The following RAPGEFL1 variants were observed in gnomAD, a reference collection of about 807,000 sequenced individuals.
RAPGEFL1 encodes the protein rap guanine nucleotide exchange factor-like 1.
RAPGEFL1 carries 31 observed loss-of-function variants against 64.4 expected under a neutral mutation model. That is an observed-to-expected ratio of 0.48 (90% CI 0.36 to 0.65). The LOEUF is 0.65. Among genes scored for constraint, RAPGEFL1 ranks in the 30% least tolerant of loss-of-function variants. The pLI is 0.00. For missense variants in RAPGEFL1, 682 were observed against 677.4 expected (o/e 1.01, Z -0.08); for synonymous variants, 331 against 274.1 (o/e 1.21, Z -2.05).
Position 40,177,942 on chromosome 17 carries a change from T to C in RAPGEFL1, c.81T>C (p.Gly27=), listed in dbSNP as rs1040106433. ...CGGTGGCGGGAGGTCCCGGCGGGGG[T>C]CTGGGGAGCTGCGGTGGGCCTGGAG... The part of the protein sequence containing the change: ...GRTVAGGPGG[G]LGSCGGPGGG... Residue 27 remains glycine (G), a synonymous_variant, in exon 1 of 15, where the codon GGT becomes GGC. Coordinates refer to ENST00000620260, the MANE Select transcript of RAPGEFL1 (RefSeq NM_016339.6). The C allele has an allele frequency of 2.3e-6, 1 of 426,624 alleles. No homozygotes were observed. Among genetic ancestry groups the C allele is most frequent in the Non-Finnish European group, 4.1e-6 (1 of 241,674 alleles). 26.4% of individuals were successfully genotyped at this position (426,624 alleles called of 1,614,324 possible).
chr17:40,179,976 T>G (rs1418464264), intron 1 of RAPGEFL1, among the ~76,000 whole-genome samples: 1 of 152,164 alleles, frequency 6.6e-6, no homozygotes, highest in Non-Finnish European at 1.5e-5. Context: ...ACACCCTGTG[T>G]CTCTATGACA....
At chr17:40,180,291 C>T (rs749921108) in intron 1 of RAPGEFL1, among the ~76,000 whole-genome samples, 2 of 152,158 alleles carry the variant, frequency 1.3e-5, no homozygotes, top group African/African-American at 2.4e-5. Context: ...CCTGGTGCCA[C>T]ACGCTCCGCT....
Position 40,183,149 on chromosome 17 carries a change from A to G in RAPGEFL1, c.600-1065A>G, listed in dbSNP as rs539879563. ...GGCAACAGAGTGAGACTCCCTCTCAAATAAATAAATAAATAAATAAATAAA... is the reference window on the plus strand; with the variant it reads ...GGCAACAGAGTGAGACTCCCTCTCAGATAAATAAATAAATAAATAAATAAA... On this transcript the variant is annotated intron_variant, in intron 2 of 14. Coordinates refer to ENST00000620260, the MANE Select transcript of RAPGEFL1 (RefSeq NM_016339.6). Among the ~76,000 whole-genome samples, 15 of 152,092 alleles carry G rather than the reference A, an allele frequency of 9.9e-5. 1 individual carries two copies. The highest frequency in any genetic ancestry group is 5.2e-4 in the Admixed American group (8 of 15,262).
At chr17:40,192,767 A>G in intron 12 of RAPGEFL1, 74 bp downstream of exon 12, 1 of 1,473,554 alleles carries the variant, frequency 6.8e-7, no homozygotes. Flanking sequence ...TCTGACTTCC[A>G]GCTCCCTCTC....
chr17:40,192,009 C>T (rs1251061328), intron 10 of RAPGEFL1, among the ~76,000 whole-genome samples: 1 of 152,198 alleles, frequency 6.6e-6, no homozygotes, highest in South Asian at 2.1e-4. Flanking sequence ...CCTGGCCTTC[C>T]CCAGAATAAT....
At chr17:40,186,485 G>A (rs1276130731) in intron 4 of RAPGEFL1, among the ~76,000 whole-genome samples, 2 of 143,910 alleles carry the variant, frequency 1.4e-5, no homozygotes, top group Admixed American at 1.4e-4. Context: ...GGAGAATGGC[G>A]TGAACCCGGG....
At chr17:40,182,512 C>G (rs1241754700) in intron 2 of RAPGEFL1, among the ~76,000 whole-genome samples, 1 of 152,204 alleles carries the variant, frequency 6.6e-6, no homozygotes, top group Non-Finnish European at 1.5e-5. Flanking sequence ...CGGAGTTTCA[C>G]CATGTTGCCC....
At chr17:40,177,144 A>G, upstream of RAPGEFL1, 1 of 702,314 alleles carries the variant, frequency 1.4e-6, no homozygotes. Flanking sequence ...AAAGGTGCAC[A>G]CTCTTGGGTT....
rs370393892 is a variant in RAPGEFL1, at chr17:40,184,298, C to A, written c.684C>A (p.Asp228Glu). The A allele has an allele frequency of 6.2e-7, 1 of 1,613,848 alleles. No individual in the cohort carries two copies. The highest frequency in any genetic ancestry group is 2.2e-5 in the East Asian group (1 of 44,862). ...TAGCCATGCTTCTCCATTTCTTGGA[C>A]ACCTACCAGGGGCTGCTTCAAGAGG... The part of the protein sequence containing the change: ...ACLAMLLHFL[D>E]TYQGLLQEEE... The change falls in exon 3 of 15, where the codon GAC becomes GAA. Residue 228 changes from aspartate to glutamate, a missense_variant. This residue lies in a region of RAPGEFL1 where 271 missense variants were observed against 158.0 expected (regional missense o/e 1.72). Transcript: ENST00000620260.
chr17:40,189,277 A>G lies in RAPGEFL1; in HGVS notation c.1016A>G (p.Gln339Arg). Residue 339 changes from glutamine to arginine, a missense_variant, in exon 6 of 15, where the codon CAG becomes CGG. Transcript: ENST00000620260. ...CGCAGCCGCCTTTCAGCATCTGTGC[A>G]GGACATTCTGGGCTCTGTGACGGAG... ...TIRSRLSASV[Q>R]DILGSVTEKL... The G allele has an allele frequency of 1.9e-6, 3 of 1,614,168 alleles. No homozygotes were observed. Among genetic ancestry groups the G allele is most frequent in the Non-Finnish European group, 2.5e-6 (3 of 1,179,994 alleles).
intron 1 of RAPGEFL1, chr17:40,181,209 T>G (rs186433151): frequency 7.1e-6 from 3 of 423,448 alleles, no homozygotes; most frequent in African/African-American, 6.0e-5. Flanking sequence ...TACACACACA[T>G]GCACACACAC....
intron 12 of RAPGEFL1, 116 bp downstream of exon 12, chr17:40,192,809 G>T: frequency 7.5e-7 from 1 of 1,338,504 alleles, no homozygotes; most frequent in South Asian, 1.2e-5. Context: ...CTGGAGAGGA[G>T]CCCCCCACCA....
rs1437420178 is a variant in RAPGEFL1 at position 40,178,164 on chromosome 17, C to G, written c.303C>G (p.Cys101Trp). 6 of 554,840 alleles carry G rather than the reference C, an allele frequency of 1.1e-5. No homozygotes were observed. Among genetic ancestry groups the G allele is most frequent in the South Asian group, 1.0e-4 (5 of 48,176 alleles). The allele number at this position is 554,840 out of a possible 1,614,324, so 34.4% of individuals were successfully genotyped here. ...AGGAGCCGGGCAGCGGGGGGCCCTG[C>G]TGGCTGCAGCTGGAGGAGGTGCCGG... ...VAEEPGSGGP[C>W]WLQLEEVPGP... Residue 101 changes from cysteine (C) to tryptophan (W), a missense_variant, in exon 1 of 15, where the codon TGC becomes TGG. Cys to Trp is a radical substitution (Grantham distance 215). Coordinates refer to ENST00000620260, the MANE Select transcript of RAPGEFL1 (RefSeq NM_016339.6).
intron 4 of RAPGEFL1, among the ~76,000 whole-genome samples, chr17:40,187,943 G>C (rs112501857): frequency 0.015 from 1,806 of 123,154 alleles, 50 homozygotes; most frequent in African/African-American, 0.055. Context: ...TTGAGATGGA[G>C]TCTTGCTCTG....
chr17:40,180,586 T>C (rs1337442413), intron 1 of RAPGEFL1, among the ~76,000 whole-genome samples: 2 of 152,178 alleles, frequency 1.3e-5, no homozygotes, highest in African/African-American at 4.8e-5. Flanking sequence ...CCTAACACTC[T>C]GCTTGCCTCA....
intron 13 of RAPGEFL1, 34 bp downstream of exon 13, chr17:40,193,024 C>A (rs1326407496): frequency 6.4e-6 from 10 of 1,574,418 alleles, no homozygotes; most frequent in African/African-American, 1.3e-5. Context: ...CCTAGTCCCA[C>A]AAGTGGGGGG....
chr17:40,186,652 C>G (rs1598442057), intron 4 of RAPGEFL1, among the ~76,000 whole-genome samples: 1 of 131,770 alleles, frequency 7.6e-6, no homozygotes, highest in African/African-American at 2.8e-5. Context: ...AATCCCAGCA[C>G]TTTGGGAGGC....
At chr17:40,186,537 C>T (rs532007142) in intron 4 of RAPGEFL1, among the ~76,000 whole-genome samples, 5 of 131,924 alleles carry the variant, frequency 3.8e-5, no homozygotes, top group South Asian at 2.4e-4. Flanking sequence ...CACTGCAGTC[C>T]GCAGTCCGGC....
At position 40,193,842 on chromosome 17, in the gene RAPGEFL1, A is replaced by G. The variant is rs1008502071; in HGVS notation, c.*54A>G. The G allele has an allele frequency of 3.1e-6, 5 of 1,609,746 alleles. No homozygotes were observed. The Admixed American group carries it at 8.4e-5, about 27-fold the overall frequency. On this transcript the variant is annotated 3_prime_UTR_variant, in exon 15 of 15. Coordinates refer to ENST00000620260, the MANE Select transcript of RAPGEFL1 (RefSeq NM_016339.6). The stretch of plus-strand genomic sequence containing the variant: ...ATCCTTGGGCACCTGGCACTCAAGC[A>G]CTTTGCACGATGTCTCAACCAACAT...
Sources: allele counts gnomAD v4.1 joint callset (sites outside exome capture counted in the v4.1 genomes callset), GRCh38; gene constraint gnomAD v4.1.1; regional missense constraint gnomAD v4.1.1; transcripts MANE v1.5; gene names NCBI Gene and HGNC (gene_info 2026-07-23, HGNC 2026-07-21).